The following KLRG1 variants were observed in gnomAD, a reference collection of about 807,000 sequenced individuals.
KLRG1 encodes the protein killer cell lectin-like receptor subfamily G member 1.
KLRG1 carries 16 observed loss-of-function variants against 21.8 expected under a neutral mutation model. That is an observed-to-expected ratio of 0.73 (90% CI 0.50 to 1.11). The LOEUF is 1.11. Among genes scored for constraint, KLRG1 ranks in the 50% most tolerant of loss-of-function variants. The pLI is 0.00. For missense variants in KLRG1, 173 were observed against 218.3 expected (o/e 0.79, Z 1.31); for synonymous variants, 69 against 75.9 (o/e 0.91, Z 0.47).
At chr12:9,174,550 A>G in the KLRG1 span, among the ~76,000 whole-genome samples, 2 of 152,132 alleles carry the variant, frequency 1.3e-5, no homozygotes, top group East Asian at 3.8e-4. Context: ...TTGATTTTAT[A>G]TCTAGAAAAC....
At chr12:9,152,119 G>C in the KLRG1 span, 1 of 912,894 alleles carries the variant, frequency 1.1e-6, no homozygotes, top group Non-Finnish European at 1.8e-6. Flanking sequence ...ATTTTTTTGA[G>C]GCAGGATGAT....
intron 1 of KLRG1, among the ~76,000 whole-genome samples, chr12:8,978,557 C>G (rs945017673): frequency 1.3e-5 from 2 of 151,992 alleles, no homozygotes; most frequent in African/African-American, 4.8e-5. Flanking sequence ...ATATTTTATC[C>G]CTTTCTCTTG....
the KLRG1 span, among the ~76,000 whole-genome samples, chr12:9,086,688 A>C: frequency 2.0e-5 from 3 of 152,222 alleles, no homozygotes; most frequent in Non-Finnish European, 4.4e-5. Flanking sequence ...TACATATTTA[A>C]CAGTGGAAAA....
chr12:9,150,475 G>T, the KLRG1 span, among the ~76,000 whole-genome samples: 6 of 151,996 alleles, frequency 3.9e-5, no homozygotes, highest in Non-Finnish European at 7.4e-5. Context: ...GTAGAGATGG[G>T]GTTTTGCTAT....
the KLRG1 span, among the ~76,000 whole-genome samples, chr12:9,070,144 T>C: frequency 6.6e-6 from 1 of 152,240 alleles, no homozygotes. Context: ...TATTTTTCTT[T>C]TAACTTCTGT....
the KLRG1 span, among the ~76,000 whole-genome samples, chr12:9,163,187 C>A: frequency 6.6e-6 from 1 of 151,078 alleles, no homozygotes; most frequent in Non-Finnish European, 1.5e-5. Context: ...CAAGAAATTG[C>A]GCTCAATGTA....
the KLRG1 span, among the ~76,000 whole-genome samples, chr12:9,016,961 A>G: frequency 1.3e-5 from 2 of 152,094 alleles, no homozygotes; most frequent in Admixed American, 6.6e-5. Context: ...TTCCACACTC[A>G]TTCTATGAGG....
chr12:8,965,520 A>G (rs1016995490), intron 1 of KLRG1, among the ~76,000 whole-genome samples: 1 of 152,208 alleles, frequency 6.6e-6, no homozygotes, highest in African/African-American at 2.4e-5. Context: ...TACAAAAATC[A>G]CAAGCATTCT....
At chr12:9,204,113 A>G in the KLRG1 span, among the ~76,000 whole-genome samples, 1 of 152,186 alleles carries the variant, frequency 6.6e-6, no homozygotes, top group Non-Finnish European at 1.5e-5. Flanking sequence ...TCAGCACAAA[A>G]ATTTTATCTT....
At chr12:9,204,309 A>G in the KLRG1 span, among the ~76,000 whole-genome samples, 12 of 152,360 alleles carry the variant, frequency 7.9e-5, no homozygotes, top group African/African-American at 2.9e-4. Context: ...GTGCACGCAC[A>G]CAAACACACA....
intron 1 of KLRG1, among the ~76,000 whole-genome samples, chr12:8,956,049 G>C (rs1218526534): frequency 6.6e-6 from 1 of 152,180 alleles, no homozygotes; most frequent in Admixed American, 6.5e-5. Flanking sequence ...TCCCCTCTCT[G>C]CTGGGAGCTG....
At chr12:9,060,685 C>T in the KLRG1 span, among the ~76,000 whole-genome samples, 1 of 152,000 alleles carries the variant, frequency 6.6e-6, no homozygotes, top group Non-Finnish European at 1.5e-5. Context: ...TGAGCACATC[C>T]CCAAAAATAA....
At chr12:9,179,257 A>G in the KLRG1 span, among the ~76,000 whole-genome samples, 1 of 152,176 alleles carries the variant, frequency 6.6e-6, no homozygotes, top group Non-Finnish European at 1.5e-5. Context: ...CCAAATGGCA[A>G]TTATTAACCA....
the KLRG1 span, chr12:9,074,623 T>G: frequency 6.2e-7 from 1 of 1,613,924 alleles, no homozygotes; most frequent in Non-Finnish European, 8.5e-7. Flanking sequence ...CGATGTTGGT[T>G]GCAGAGGTCA....
At chr12:8,963,637 A>G (rs1946416557) in intron 1 of KLRG1, among the ~76,000 whole-genome samples, 1 of 152,182 alleles carries the variant, frequency 6.6e-6, no homozygotes, top group African/African-American at 2.4e-5. Context: ...TACCTCTGGT[A>G]GAATTCGGCT....
At chr12:8,954,764 T>G (rs1565533809) in intron 1 of KLRG1, among the ~76,000 whole-genome samples, 1 of 152,158 alleles carries the variant, frequency 6.6e-6, no homozygotes. Context: ...ATGTATACAT[T>G]TATTCACATA....
chr12:9,000,509 A>G (rs759951558), intron 3 of KLRG1, among the ~76,000 whole-genome samples: 44 of 152,316 alleles, frequency 2.9e-4, no homozygotes, highest in South Asian at 2.5e-3. Flanking sequence ...CACTACCATC[A>G]TCTCCAGAAC....
At chr12:9,077,410 TCTA>T in the KLRG1 span, 8 of 1,613,134 alleles carry the variant, frequency 5.0e-6, no homozygotes, top group Non-Finnish European at 6.8e-6. Context: ...CACTTCATCT[TCTA>T]CTCCTCCCTG....
At chr12:9,024,077 G>A in the KLRG1 span, among the ~76,000 whole-genome samples, 1 of 125,152 alleles carries the variant, frequency 8.0e-6, no homozygotes, top group Non-Finnish European at 1.6e-5. Flanking sequence ...TGCCCAGGCT[G>A]GAGTGCAGTG....
Sources: gnomAD v4.1 joint callset for allele counts (sites outside exome capture counted in the v4.1 genomes callset) on GRCh38, gnomAD v4.1.1 for gene constraint, MANE v1.5 for transcripts, NCBI Gene and HGNC (gene_info 2026-07-23, HGNC 2026-07-21) for gene names.